Variants in PDE4D observed in about 807,000 individuals in gnomAD.
The protein encoded by PDE4D is phosphodiesterase 4D.
PDE4D carries 24 observed loss-of-function variants against 87.4 expected under a neutral mutation model. The observed-to-expected ratio is 0.27, with a 90% CI of 0.20 to 0.39. The LOEUF (loss-of-function observed/expected upper bound fraction) is 0.39. Among genes scored for constraint, PDE4D ranks in the 10% least tolerant of loss-of-function variants. The pLI is 1.00. For synonymous variants in PDE4D, 384 were observed against 383.2 expected (o/e 1.00, Z -0.02); for missense variants, 714 against 1,041.0 (o/e 0.69, Z 4.32).
chr5:59,764,130 C>T (rs1363650837), intron 1 of PDE4D, among the ~76,000 whole-genome samples: 4 of 152,120 alleles, frequency 2.6e-5, no homozygotes, highest in Non-Finnish European at 5.9e-5. Flanking sequence ...AACTGACATA[C>T]ACTCGTTTCT....
At chr5:60,156,580 C>CA (rs1781995721) in intron 2 of PDE4D, among the ~76,000 whole-genome samples, 2 of 152,038 alleles carry the variant, frequency 1.3e-5, no homozygotes. Flanking sequence ...TAGTATAATA[C>CA]AAAATCAGTT....
chr5:59,883,657 T>C (rs194368), intron 1 of PDE4D, among the ~76,000 whole-genome samples: 24,905 of 152,186 alleles, frequency 0.16, 2,252 homozygotes, highest in Middle Eastern at 0.25. Context: ...TTTCTTTTAA[T>C]TCTCAGAGTT....
intron 1 of PDE4D, among the ~76,000 whole-genome samples, chr5:60,266,416 G>A (rs1750218842): frequency 6.6e-6 from 1 of 152,144 alleles, no homozygotes; most frequent in Non-Finnish European, 1.5e-5. Flanking sequence ...TGTAGAGAAA[G>A]AAAAGATTGG....
chr5:59,736,715 CA>C (rs1442864320), intron 1 of PDE4D, among the ~76,000 whole-genome samples: 16 of 151,470 alleles, frequency 1.1e-4, no homozygotes, highest in Non-Finnish European at 2.2e-4. Flanking sequence ...AAATGATTGA[CA>C]AAATATAGGA....
At chr5:59,159,975 T>G (rs145720014) in intron 5 of PDE4D, among the ~76,000 whole-genome samples, 104 of 152,288 alleles carry the variant, frequency 6.8e-4, no homozygotes, top group African/African-American at 2.1e-3. Context: ...CATTAGCTCC[T>G]AAGTGCATTT....
At chr5:59,742,665 T>C (rs1181258465) in intron 1 of PDE4D, among the ~76,000 whole-genome samples, 1 of 152,224 alleles carries the variant, frequency 6.6e-6, no homozygotes, top group African/African-American at 2.4e-5. Context: ...TCAGGCATTC[T>C]AAATTTAGCC....
chr5:59,647,472 T>TTTTA (rs5868189), intron 1 of PDE4D, among the ~76,000 whole-genome samples: 3 of 149,810 alleles, frequency 2.0e-5, no homozygotes, highest in African/African-American at 2.4e-5. Context: ...TTTTTTTTTT[T>TTTTA]AATTAAAATA....
At chr5:59,485,014 A>G (rs966859544) in intron 1 of PDE4D, among the ~76,000 whole-genome samples, 3 of 152,188 alleles carry the variant, frequency 2.0e-5, no homozygotes, top group African/African-American at 7.2e-5. Flanking sequence ...CACTTTTTTA[A>G]AATAATTCCA....
At chr5:59,532,598 AT>A (rs964513459) in intron 1 of PDE4D, among the ~76,000 whole-genome samples, 9 of 152,108 alleles carry the variant, frequency 5.9e-5, no homozygotes, top group Non-Finnish European at 1.2e-4. Flanking sequence ...AGCTAAAGAA[AT>A]GTAAATTATT....
At chr5:60,104,495 T>G (rs1776633745) in intron 2 of PDE4D, among the ~76,000 whole-genome samples, 1 of 152,186 alleles carries the variant, frequency 6.6e-6, no homozygotes, top group Non-Finnish European at 1.5e-5. Flanking sequence ...GTCTGACAGC[T>G]TTGAAGAGAG....
At chr5:59,594,137 A>G (rs1826305105) in intron 1 of PDE4D, among the ~76,000 whole-genome samples, 1 of 102,280 alleles carries the variant, frequency 9.8e-6, no homozygotes, top group African/African-American at 3.9e-5. Flanking sequence ...ATTCTCTCTC[A>G]CCTATGGTAT....
chr5:59,872,446 AT>A (rs1561795943), intron 1 of PDE4D, among the ~76,000 whole-genome samples: 1 of 152,130 alleles, frequency 6.6e-6, no homozygotes, highest in Non-Finnish European at 1.5e-5. Flanking sequence ...TAGTCAAATC[AT>A]TTTTTCCAAC....
intron 2 of PDE4D, among the ~76,000 whole-genome samples, chr5:60,050,130 G>A (rs542954437): frequency 8.5e-5 from 13 of 152,270 alleles, no homozygotes; most frequent in African/African-American, 2.2e-4. Context: ...CAATTTTCCC[G>A]GTGCTGTCTG....
At chr5:59,893,795 G>T (rs1231704598), upstream of PDE4D, 3 of 1,332,602 alleles carry the variant, frequency 2.3e-6, no homozygotes, top group African/African-American at 4.7e-5. Flanking sequence ...CCGAGAGGGG[G>T]CCCTGCCAGC....
At chr5:59,115,955 C>T (rs1258678320) in intron 5 of PDE4D, among the ~76,000 whole-genome samples, 2 of 151,946 alleles carry the variant, frequency 1.3e-5, no homozygotes, top group Non-Finnish European at 2.9e-5. Context: ...TGTTTAGATC[C>T]CCAACAATGT....
At chr5:60,500,430 G>C (rs913146142) in intron 1 of PDE4D, among the ~76,000 whole-genome samples, 3 of 152,180 alleles carry the variant, frequency 2.0e-5, no homozygotes, top group Admixed American at 1.3e-4. Flanking sequence ...TACTACATTA[G>C]AGAAATAACT....
At chr5:59,504,310 A>G (rs2153665685) in intron 1 of PDE4D, among the ~76,000 whole-genome samples, 1 of 152,334 alleles carries the variant, frequency 6.6e-6, no homozygotes, top group African/African-American at 2.4e-5. Flanking sequence ...TTAAGCCACA[A>G]TTCATTTTGC....
chr5:60,026,394 G>T (rs1386215668), intron 2 of PDE4D, among the ~76,000 whole-genome samples: 1 of 152,088 alleles, frequency 6.6e-6, no homozygotes, highest in Non-Finnish European at 1.5e-5. Flanking sequence ...TTCCATTTAT[G>T]ATTCTGGCCT....
At chr5:60,141,729 G>T (rs954940158) in intron 2 of PDE4D, among the ~76,000 whole-genome samples, 23 of 152,124 alleles carry the variant, frequency 1.5e-4, no homozygotes, top group Middle Eastern at 3.4e-3. Flanking sequence ...TGCAATAACT[G>T]CCATTTAAAT....
Sources: gnomAD v4.1 joint callset for allele counts (sites outside exome capture counted in the v4.1 genomes callset) on GRCh38, gnomAD v4.1.1 for gene constraint, MANE v1.5 for transcripts, NCBI Gene and HGNC (gene_info 2026-07-23, HGNC 2026-07-21) for gene names.